The following DLG2 variants were observed in gnomAD, a reference collection of about 807,000 sequenced individuals.
DLG2 encodes the protein disks large homolog 2.
A neutral mutation model predicts 132.5 loss-of-function variants in DLG2; 45 were observed. That is an observed-to-expected ratio of 0.34 (90% CI 0.27 to 0.44). The LOEUF is 0.44. Ranked by LOEUF, DLG2 falls within the 20% of genes least tolerant of loss-of-function variation. The probability of loss-of-function intolerance (pLI) is 1.00; values close to 1 mark genes in which losing one functional copy is unlikely to be tolerated. For synonymous variants in DLG2, 424 were observed against 419.6 expected, an observed-to-expected ratio of 1.01 and a Z score of -0.13; for missense variants, 1,045 against 1,196.9, an observed-to-expected ratio of 0.87 and a Z score of 1.87.
At chr11:84,655,735 TTTG>T (rs1226979234) in intron 6 of DLG2, among the ~76,000 whole-genome samples, 3 of 139,752 alleles carry the variant, frequency 2.1e-5, no homozygotes, top group South Asian at 5.0e-4. Flanking sequence ...TTTTTTTTTG[TTTG>T]TTTTTTTTTT....
chr11:83,568,378 T>C (rs991066078), intron 19 of DLG2, among the ~76,000 whole-genome samples: 8 of 152,012 alleles, frequency 5.3e-5, no homozygotes, highest in Non-Finnish European at 8.8e-5. Context: ...TTGCAAAGGG[T>C]GAGCATGAGG....
intron 11 of DLG2, among the ~76,000 whole-genome samples, chr11:84,035,076 C>T (rs189354909): frequency 1.6e-4 from 25 of 152,222 alleles, no homozygotes; most frequent in Admixed American, 7.2e-4. Context: ...GAACTCACTA[C>T]GTTACAAAGC....
At chr11:84,802,870 GCTCACTGCAAC>G (rs2075575854) in intron 6 of DLG2, among the ~76,000 whole-genome samples, 1 of 152,068 alleles carries the variant, frequency 6.6e-6, no homozygotes, top group African/African-American at 2.4e-5. Flanking sequence ...CGCGATCTCG[GCTCACTGCAAC>G]CTCCACCTCC....
At chr11:83,989,073 C>CT (rs996436282) in intron 11 of DLG2, among the ~76,000 whole-genome samples, 4 of 151,990 alleles carry the variant, frequency 2.6e-5, no homozygotes. Context: ...TATAAGAGGA[C>CT]AAGGAAAGTC....
chr11:83,858,184 A>G (rs1387557063), intron 16 of DLG2, among the ~76,000 whole-genome samples: 4 of 152,176 alleles, frequency 2.6e-5, no homozygotes, highest in African/African-American at 7.2e-5. Context: ...AGGCCAACTC[A>G]GGACTCTTCC....
In DLG2 at chr11:83,850,160, G is replaced by GTGTGTGTTTTT. The variant is rs1452960432; in HGVS notation, c.1566-16391_1566-16390insAAAAACACACA. ...TGTGTGTGTGTGTGTGTGTGTGTGT[G>GTGTGTGTTTTT]TTTTTTTACTTGAGACGGAGTCTCA... On this transcript the variant is annotated intron_variant, in intron 16 of 27. Transcript: ENST00000376104. 6.9e-4 allele frequency among the ~76,000 whole-genome samples: 86 copies of GTGTGTGTTTTT among 124,372 alleles called. 3 individuals carry two copies. Among genetic ancestry groups the GTGTGTGTTTTT allele is most frequent in the African/African-American group, 3.1e-3 (86 of 27,718 alleles). 81.6% of individuals were successfully genotyped at this position (124,372 alleles called of 152,430 possible).
In DLG2 at chr11:84,163,523, GA is replaced by G; in HGVS notation, c.574-13del. ...TCTGTCCCATTGACCTGTAAATAGG[GA>G]AAAAATAAGAAGAGAACTATTAAAT... On this transcript the variant is annotated splice_polypyrimidine_tract_variant and intron_variant, in intron 8 of 27. Transcript: ENST00000376104. 2 of 1,589,990 alleles carry G rather than the reference GA, an allele frequency of 1.3e-6. No individual in the cohort carries two copies. Among genetic ancestry groups the G allele is most frequent in the Non-Finnish European group, 1.7e-6 (2 of 1,166,478 alleles).
intron 3 of DLG2, among the ~76,000 whole-genome samples, chr11:85,318,051 A>G (rs763684419): frequency 4.0e-5 from 6 of 151,868 alleles, no homozygotes; most frequent in Non-Finnish European, 7.4e-5. Context: ...CCAATCCATC[A>G]CAATTTTTTT....
intron 19 of DLG2, among the ~76,000 whole-genome samples, chr11:83,563,521 C>T (rs962722761): frequency 5.3e-5 from 8 of 152,136 alleles, no homozygotes; most frequent in African/African-American, 1.4e-4. Flanking sequence ...GAAGTAAATT[C>T]GAAAACACAA....
intron 10 of DLG2, among the ~76,000 whole-genome samples, chr11:84,065,069 CGA>C (rs1438045736): frequency 2.0e-5 from 3 of 152,026 alleles, no homozygotes; most frequent in African/African-American, 7.2e-5. Context: ...AAAATAATCT[CGA>C]GATGAATTAA....
intron 6 of DLG2, among the ~76,000 whole-genome samples, chr11:84,946,268 CT>C (rs1413648742): frequency 6.6e-6 from 1 of 152,130 alleles, no homozygotes; most frequent in Non-Finnish European, 1.5e-5. Flanking sequence ...CCTTTCCTTT[CT>C]TCAAACAGAA....
chr11:85,296,387 C>A (rs923253187), intron 3 of DLG2, among the ~76,000 whole-genome samples: 4 of 151,802 alleles, frequency 2.6e-5, no homozygotes, highest in African/African-American at 9.7e-5. Flanking sequence ...ATACAACATC[C>A]CTCTCATCTC....
chr11:84,793,775 T>G (rs1390499105), intron 6 of DLG2, among the ~76,000 whole-genome samples: 1 of 152,180 alleles, frequency 6.6e-6, no homozygotes, highest in African/African-American at 2.4e-5. Context: ...CTATTTTTAT[T>G]CTATGTGTTT....
intron 3 of DLG2, among the ~76,000 whole-genome samples, chr11:85,483,166 A>T (rs1316453101): frequency 3.3e-5 from 5 of 152,330 alleles, no homozygotes; most frequent in Non-Finnish European, 7.3e-5. Context: ...CAAAGAGAGG[A>T]TCCTATTAGC....
Position 85,498,184 on chromosome 11 carries a change from C to T in DLG2, c.40+100473G>A, listed in dbSNP as rs573827314. ...ATCAGTGTGCTATATTCAGGAGACT[C>T]ATCTGATGTGCAAATACACACACAG... On this transcript the variant is annotated intron_variant, in intron 3 of 27. Coordinates refer to ENST00000376104, the MANE Select transcript of DLG2 (RefSeq NM_001142699.3). Among the ~76,000 whole-genome samples the T allele has an allele frequency of 2.2e-4, 34 of 152,236 alleles. 1 individual carries two copies. Among genetic ancestry groups the T allele is most frequent in the African/African-American group, 7.9e-4 (33 of 41,542 alleles).
At chr11:84,087,190 C>T (rs1403500272) in intron 10 of DLG2, among the ~76,000 whole-genome samples, 2 of 152,118 alleles carry the variant, frequency 1.3e-5, no homozygotes, top group African/African-American at 4.8e-5. Flanking sequence ...AATGACTGGT[C>T]GTGTGGCAAT....
At chr11:84,885,809 C>T (rs1281186227) in intron 6 of DLG2, among the ~76,000 whole-genome samples, 2 of 151,726 alleles carry the variant, frequency 1.3e-5, no homozygotes, top group Admixed American at 6.6e-5. Context: ...TTTAATTTTG[C>T]ACTGGTTAGA....
intron 6 of DLG2, among the ~76,000 whole-genome samples, chr11:84,981,291 T>C (rs1272676767): frequency 6.6e-6 from 1 of 152,200 alleles, no homozygotes; most frequent in African/African-American, 2.4e-5. Flanking sequence ...AGCATTTATA[T>C]AGCATAACTG....
intron 11 of DLG2, among the ~76,000 whole-genome samples, chr11:84,007,580 G>T (rs2094634019): frequency 6.6e-6 from 1 of 151,462 alleles, no homozygotes. Context: ...CTACATAATT[G>T]AACATCTTTA....
Sources: gnomAD v4.1 joint callset for allele counts (sites outside exome capture counted in the v4.1 genomes callset) on GRCh38, gnomAD v4.1.1 for gene constraint, MANE v1.5 for transcripts, NCBI Gene and HGNC (gene_info 2026-07-23, HGNC 2026-07-21) for gene names.